GALNT7: variants seen among roughly 807,000 people sequenced by gnomAD.
The protein encoded by GALNT7 is polypeptide N-acetylgalactosaminyltransferase 7.
A neutral mutation model predicts 82.1 loss-of-function variants in GALNT7; 60 were observed. That is an observed-to-expected ratio of 0.73 (90% CI 0.59 to 0.91). GALNT7 has a LOEUF of 0.91. Ranked by LOEUF, GALNT7 falls within the 40% of genes least tolerant of loss-of-function variation. GALNT7 has a pLI of 0.00. For missense variants in GALNT7, 660 were observed against 804.2 expected, an observed-to-expected ratio of 0.82 and a Z score of 2.17; for synonymous variants, 243 against 275.1, an observed-to-expected ratio of 0.88 and a Z score of 1.15.
chr4:173,295,376 C>A lies in GALNT7; in HGVS notation c.755-20C>A. 6.7e-7 allele frequency: 1 copy of A among 1,484,884 alleles called. No individual in the cohort carries two copies. The highest frequency in any genetic ancestry group is 9.4e-7 in the Non-Finnish European group (1 of 1,065,310). 92.0% of individuals were successfully genotyped at this position (1,484,884 alleles called of 1,614,324 possible). A position where few individuals can be genotyped will look rare whatever the true frequency, so the allele number is the denominator to read the frequency against. On this transcript the variant is annotated intron_variant, in intron 3 of 11. Coordinates refer to ENST00000265000, the MANE Select transcript of GALNT7 (RefSeq NM_017423.3). ...TTTCTATTCGTCTAATTTATAATAT[C>A]GATTGATTTTTCTTAACAGAACACT... is the stretch of plus-strand genomic sequence containing the variant.
intron 2 of GALNT7, among the ~76,000 whole-genome samples, chr4:173,251,507 C>T (rs1734845029): frequency 6.6e-6 from 1 of 152,222 alleles, no homozygotes; most frequent in Non-Finnish European, 1.5e-5. Flanking sequence ...ATAAATGTCA[C>T]ACATTGCCTT....
chr4:173,299,912 A>G (rs1338017349), intron 6 of GALNT7, among the ~76,000 whole-genome samples: 1 of 152,184 alleles, frequency 6.6e-6, no homozygotes, highest in Non-Finnish European at 1.5e-5. Flanking sequence ...TAAAGGTGAC[A>G]TGAAAATATC....
At chr4:173,207,236 A>G (rs1202604595) in intron 1 of GALNT7, among the ~76,000 whole-genome samples, 1 of 152,248 alleles carries the variant, frequency 6.6e-6, no homozygotes, top group African/African-American at 2.4e-5. Flanking sequence ...GGGCTGTTCT[A>G]GTGTGTGCTA....
chr4:173,178,924 C>T (rs1253018412), intron 1 of GALNT7, among the ~76,000 whole-genome samples: 1 of 152,082 alleles, frequency 6.6e-6, no homozygotes, highest in Non-Finnish European at 1.5e-5. Flanking sequence ...AGTAGATGAC[C>T]TAGTCATTTT....
chr4:173,197,723 T>C (rs114671939), intron 1 of GALNT7, among the ~76,000 whole-genome samples: 6 of 152,244 alleles, frequency 3.9e-5, no homozygotes, highest in African/African-American at 1.4e-4. Flanking sequence ...GGTCATCCCA[T>C]AGGATGTCCA....
intron 1 of GALNT7, among the ~76,000 whole-genome samples, chr4:173,219,427 G>A (rs997300150): frequency 2.0e-5 from 3 of 152,056 alleles, no homozygotes; most frequent in Non-Finnish European, 2.9e-5. Flanking sequence ...CCATGTTTTT[G>A]CAATTGCGAA....
chr4:173,276,753 A>G lies in GALNT7; in HGVS notation c.588-15355A>G, dbSNP rs117052869. On this transcript the variant is annotated intron_variant, in intron 2 of 11. Coordinates refer to ENST00000265000, the MANE Select transcript of GALNT7 (RefSeq NM_017423.3). ...AAACAGATTCTGTGTTTGCCAAGCA[A>G]CCTTCTCATTGTGACCAGAGTTTGC... is the stretch of plus-strand genomic sequence containing the variant. Among the ~76,000 whole-genome samples, 57 of 152,274 alleles carry G rather than the reference A, an allele frequency of 3.7e-4. No individual in the cohort carries two copies. In the East Asian group the frequency reaches 5.6e-3, roughly 15 times the overall value.
rs928534865 is a variant in GALNT7, at chr4:173,216,838, C to G, written c.127-31142C>G. On this transcript the variant is annotated intron_variant, in intron 1 of 11. Transcript: ENST00000265000. Reference sequence around the variant, plus strand: ...CTCTGCCTCCCAGCTTCAAGTGATTCTCCTGTCTCAGCCTCCCGAGTAGCT... The same window carrying G: ...CTCTGCCTCCCAGCTTCAAGTGATTGTCCTGTCTCAGCCTCCCGAGTAGCT... 6.9e-5 allele frequency among the ~76,000 whole-genome samples: 10 copies of G among 145,674 alleles called. No individual in the cohort carries two copies. The East Asian group carries it at 2.1e-3, about 30-fold the overall frequency.
chr4:173,315,222 G>C (rs764081568), intron 9 of GALNT7, among the ~76,000 whole-genome samples: 2 of 152,152 alleles, frequency 1.3e-5, no homozygotes, highest in African/African-American at 4.8e-5. Flanking sequence ...GATTCCTTAT[G>C]GGTTGGTGTG....
chr4:173,196,011 T>C (rs1198378073), intron 1 of GALNT7, among the ~76,000 whole-genome samples: 1 of 152,200 alleles, frequency 6.6e-6, no homozygotes, highest in Non-Finnish European at 1.5e-5. Context: ...GTGGAAGAGA[T>C]ACTTACTCGC....
chr4:173,303,215 C>T (rs1268950790), intron 7 of GALNT7, among the ~76,000 whole-genome samples: 2 of 150,958 alleles, frequency 1.3e-5, no homozygotes, highest in South Asian at 2.1e-4. Context: ...AAAGAAAGAG[C>T]GAGCGTTATG....
At chr4:173,238,527 T>C (rs1259908373) in intron 1 of GALNT7, among the ~76,000 whole-genome samples, 1 of 152,200 alleles carries the variant, frequency 6.6e-6, no homozygotes, top group Non-Finnish European at 1.5e-5. Flanking sequence ...TAGGCCTGTC[T>C]TGTCATACGT....
Position 173,295,405 on chromosome 4 carries a change from A to T in GALNT7, c.764A>T (p.Lys255Ile), listed in dbSNP as rs1328132918. 3 of 1,583,590 alleles carry T rather than the reference A, an allele frequency of 1.9e-6. No homozygotes were observed. Among genetic ancestry groups the T allele is most frequent in the Admixed American group, 3.3e-5 (2 of 59,748 alleles). The change falls in exon 4 of 12, where the codon AAA becomes ATA. Residue 255 changes from lysine to isoleucine, a missense_variant. Around this residue, in one of 2 missense-constraint regions of GALNT7, gnomAD observed 527 missense variants for 683.5 expected, o/e 0.77. Transcript: ENST00000265000. ...IDDFSNKEHL[K>I]EKLDEYIKLW... ...TGATTTTTCTTAACAGAACACTTAA[A>T]AGAAAAACTGGATGAATATATTAAG...
At chr4:173,222,835 G>A (rs1279744927) in intron 1 of GALNT7, among the ~76,000 whole-genome samples, 2 of 151,814 alleles carry the variant, frequency 1.3e-5, no homozygotes, top group East Asian at 1.9e-4. Flanking sequence ...GACCTGCAAC[G>A]ATGTTTTAAA....
intron 8 of GALNT7, among the ~76,000 whole-genome samples, chr4:173,308,636 G>T (rs1737248919): frequency 2.0e-5 from 3 of 152,164 alleles, no homozygotes; most frequent in African/African-American, 7.2e-5. Flanking sequence ...CAGGCACAGT[G>T]GCTCACACCT....
chr4:173,190,456 G>A (rs1732594874), intron 1 of GALNT7, among the ~76,000 whole-genome samples: 1 of 152,186 alleles, frequency 6.6e-6, no homozygotes, highest in African/African-American at 2.4e-5. Flanking sequence ...TGATAAAGTT[G>A]TATAAGTAAG....
At chr4:173,202,588 C>G (rs571909285) in intron 1 of GALNT7, among the ~76,000 whole-genome samples, 1 of 152,330 alleles carries the variant, frequency 6.6e-6, no homozygotes, top group South Asian at 2.1e-4. Context: ...CCTGCCTCCT[C>G]CAGGAAATCT....
At chr4:173,182,546 A>C (rs1214691606) in intron 1 of GALNT7, among the ~76,000 whole-genome samples, 1 of 152,168 alleles carries the variant, frequency 6.6e-6, no homozygotes, top group African/African-American at 2.4e-5. Flanking sequence ...TATTTTAAGG[A>C]TAAAAAATGT....
chr4:173,321,673 A>T lies in GALNT7; in HGVS notation c.1930A>T (p.Lys644Ter). Residue 644 changes from lysine to a stop codon, truncating the protein, a stop_gained, in exon 12 of 12, where the codon AAA becomes TAA. Transcript: ENST00000265000. LOFTEE classifies it high-confidence loss of function. ...QVFISNCDSS[K>*]TTQKWEMNNI... The stretch of plus-strand genomic sequence containing the variant: ...ATTCATCTCCAATTGTGACTCCAGT[A>T]AAACGACTCAAAAATGGGAAATGAA... 1 of 1,607,758 alleles carries T rather than the reference A, an allele frequency of 6.2e-7. No individual in the cohort carries two copies. The highest frequency in any genetic ancestry group is 8.5e-7 in the Non-Finnish European group (1 of 1,174,382).
Sources: gnomAD v4.1 joint callset for allele counts (sites outside exome capture counted in the v4.1 genomes callset) on GRCh38, gnomAD v4.1.1 for gene constraint, gnomAD v4.1.1 regional missense constraint, MANE v1.5 for transcripts, NCBI Gene and HGNC (gene_info 2026-07-23, HGNC 2026-07-21) for gene names.